The following PCCB variants were observed in gnomAD, a reference collection of about 807,000 sequenced individuals.
PCCB encodes the protein propionyl-CoA carboxylase beta chain, mitochondrial.
In PCCB, 43 loss-of-function variants were observed where a neutral mutation model predicts 60.7. That is an observed-to-expected ratio of 0.71 (90% CI 0.55 to 0.91). The LOEUF (loss-of-function observed/expected upper bound fraction) is 0.91, where lower values mean the gene tolerates loss of function less well. Ranked by LOEUF, PCCB falls within the 40% of genes least tolerant of loss-of-function variation. The pLI is 0.00. For synonymous variants in PCCB, 276 were observed against 255.9 expected, an observed-to-expected ratio of 1.08 and a Z score of -0.75; for missense variants, 766 against 702.8, an observed-to-expected ratio of 1.09 and a Z score of -1.02.
At chr3:136,277,319 C>T (rs956386107) in intron 5 of PCCB, among the ~76,000 whole-genome samples, 2 of 152,176 alleles carry the variant, frequency 1.3e-5, no homozygotes, top group African/African-American at 4.8e-5. Context: ...GTTATTCTAC[C>T]TAGAGATGCT....
chr3:136,308,812 C>T (rs2108216511), intron 9 of PCCB, among the ~76,000 whole-genome samples: 1 of 152,196 alleles, frequency 6.6e-6, no homozygotes, highest in East Asian at 1.9e-4. Flanking sequence ...AATAAATCTT[C>T]TAGTAAACAA....
At chr3:136,264,153 C>A (rs1358628924) in intron 5 of PCCB, among the ~76,000 whole-genome samples, 2 of 152,032 alleles carry the variant, frequency 1.3e-5, no homozygotes, top group Non-Finnish European at 2.9e-5. Context: ...TACATATTTG[C>A]ATGTTACATT....
At chr3:136,252,378 C>G (rs996117575) in intron 1 of PCCB, 2 of 454,162 alleles carry the variant, frequency 4.4e-6, no homozygotes, top group African/African-American at 4.0e-5. Flanking sequence ...TCCAGAGTAC[C>G]TGGGGTTACA....
chr3:136,303,187 A>G lies in PCCB; in HGVS notation c.966+2076A>G, dbSNP rs1934350507. ...TCCCTATATGTCAAATGTAATGGTGAATCATAGTTGTGATTCTGGGCATCT... is the reference window on the plus strand; with the variant it reads ...TCCCTATATGTCAAATGTAATGGTGGATCATAGTTGTGATTCTGGGCATCT... On this transcript the variant is annotated intron_variant, in intron 9 of 14. Transcript: ENST00000251654. 1.6e-5 allele frequency among the ~76,000 whole-genome samples: 2 copies of G among 122,922 alleles called. 1 individual carries two copies. Among genetic ancestry groups the G allele is most frequent in the African/African-American group, 5.0e-5 (2 of 40,204 alleles). The allele number at this position is 122,922 out of a possible 152,430, so 80.6% of individuals were successfully genotyped here. A position where few individuals can be genotyped will look rare whatever the true frequency, so the allele number is the denominator to read the frequency against.
At chr3:136,280,164 C>A (rs992646956) in intron 5 of PCCB, among the ~76,000 whole-genome samples, 1 of 152,146 alleles carries the variant, frequency 6.6e-6, no homozygotes, top group Admixed American at 6.5e-5. Context: ...CCTCATGTTA[C>A]TGTCTAATAT....
intron 10 of PCCB, among the ~76,000 whole-genome samples, chr3:136,324,569 A>C (rs1401593725): frequency 6.6e-6 from 1 of 151,602 alleles, no homozygotes; most frequent in Admixed American, 6.6e-5. Context: ...GTGCTTTTGA[A>C]TGCACTAATT....
chr3:136,283,346 A>G (rs764521017), intron 5 of PCCB, among the ~76,000 whole-genome samples: 3 of 152,138 alleles, frequency 2.0e-5, no homozygotes, highest in Non-Finnish European at 4.4e-5. Flanking sequence ...CAGAGTAGAC[A>G]CTGGGTACTC....
chr3:136,327,166 G>A lies in PCCB; in HGVS notation c.1210G>A (p.Glu404Lys), dbSNP rs777027944. 1.2e-6 allele frequency: 2 copies of A among 1,613,986 alleles called. No homozygotes were observed. The highest frequency in any genetic ancestry group is 2.2e-5 in the South Asian group (2 of 91,082). ...TTCCTCATGTCTAGGCACAGCACAGGAATACGGGGGCATCATCCGGCATGG... is the reference window on the plus strand; with the variant it reads ...TTCCTCATGTCTAGGCACAGCACAGAAATACGGGGGCATCATCCGGCATGG... The part of the protein sequence containing the change: ...VPGFLPGTAQ[E>K]YGGIIRHGAK... The change falls in exon 12 of 15, where the codon GAA becomes AAA. Residue 404 changes from glutamate to lysine, a missense_variant. By Grantham distance (56) the Glu-to-Lys change is moderately conservative (BLOSUM62 1). Transcript: ENST00000251654.
rs572028717 is a variant in PCCB at position 136,250,825 on chromosome 3, G to A, written c.183+267G>A. On this transcript the variant is annotated intron_variant, in intron 1 of 14. Transcript: ENST00000251654. ...CTAGCCAGCTCAACACTTAACATAA[G>A]CTTTTGGGCAACTTATTAAATCTCT... is the stretch of plus-strand genomic sequence containing the variant. Among the ~76,000 whole-genome samples, 6 of 152,286 alleles carry A rather than the reference G, an allele frequency of 3.9e-5. No homozygotes were observed. The South Asian group carries it at 8.3e-4, about 21-fold the overall frequency.
rs1034824113 is a variant in PCCB, at chr3:136,301,110, C to T, written c.965C>T (p.Ser322Phe). Residue 322 changes from serine to phenylalanine, a missense_variant and splice_region_variant, in exon 9 of 15, where the codon TCT becomes TTT. Ser to Phe is a radical substitution (Grantham distance 155). Transcript: ENST00000251654. ...KAYNMVDIIH[S>F]VVDEREFFEI... is the part of the protein sequence containing the mutation. ...TACAACATGGTGGACATCATACACT[C>T]TGTAAGTGCCACATCTGTTTGTCTT... 6.2e-7 allele frequency: 1 copy of T among 1,608,582 alleles called. No individual in the cohort carries two copies. Among genetic ancestry groups the T allele is most frequent in the Non-Finnish European group, 8.5e-7 (1 of 1,174,860 alleles).
intron 9 of PCCB, among the ~76,000 whole-genome samples, chr3:136,314,039 C>T (rs557453925): frequency 4.6e-5 from 7 of 152,114 alleles, no homozygotes; most frequent in African/African-American, 1.7e-4. Flanking sequence ...GAGTCACACA[C>T]ACACACACAT....
At chr3:136,276,961 G>A (rs1259529141) in intron 5 of PCCB, among the ~76,000 whole-genome samples, 2 of 152,180 alleles carry the variant, frequency 1.3e-5, no homozygotes, top group Non-Finnish European at 2.9e-5. Flanking sequence ...TGAGAGCCAG[G>A]ATAAGTTGAT....
chr3:136,281,711 G>T (rs1210116955), intron 5 of PCCB, among the ~76,000 whole-genome samples: 2 of 152,102 alleles, frequency 1.3e-5, no homozygotes. Flanking sequence ...TTGAGGATGA[G>T]AAATTCTGAA....
intron 8 of PCCB, among the ~76,000 whole-genome samples, chr3:136,300,077 C>T (rs1934197065): frequency 6.8e-6 from 1 of 146,902 alleles, no homozygotes; most frequent in Non-Finnish European, 1.5e-5. Flanking sequence ...CACATATATG[C>T]ATATACGCAT....
At chr3:136,255,471 C>G (rs1941647574) in intron 1 of PCCB, 1 of 303,706 alleles carries the variant, frequency 3.3e-6, no homozygotes, top group Non-Finnish European at 6.4e-6. Context: ...AGATCCTTCA[C>G]TAAGCCTGCT....
chr3:136,303,795 G>A (rs1934367950), intron 9 of PCCB, among the ~76,000 whole-genome samples: 2 of 121,216 alleles, frequency 1.6e-5, no homozygotes, highest in African/African-American at 5.0e-5. Flanking sequence ...GTAGAGACAC[G>A]GTTTCGCCAT....
chr3:136,275,624 T>C (rs1345382797), intron 5 of PCCB, among the ~76,000 whole-genome samples: 1 of 152,236 alleles, frequency 6.6e-6, no homozygotes, highest in East Asian at 1.9e-4. Context: ...CTTTTTCCTC[T>C]TCACTAAGGA....
chr3:136,293,650 C>CACG lies in PCCB; in HGVS notation c.655-105_655-103dup. ...AAGCTACATCCTATCCTCATTCAGC[C>CACG]ACGTCACTATCTTCTCTGCATTTGT... is the stretch of plus-strand genomic sequence containing the variant. On this transcript the variant is annotated intron_variant, in intron 6 of 14. Transcript: ENST00000251654. 7.5e-6 allele frequency: 6 copies of CACG among 797,104 alleles called. No homozygotes were observed. In the South Asian group the frequency reaches 8.1e-5, roughly 11 times the overall value. The allele number at this position is 797,104 out of a possible 1,614,324, so 49.4% of individuals were successfully genotyped here.
chr3:136,287,446 T>G (rs528910597), intron 6 of PCCB, among the ~76,000 whole-genome samples: 1 of 152,182 alleles, frequency 6.6e-6, no homozygotes, highest in East Asian at 1.9e-4. Flanking sequence ...TTTGTTTTTT[T>G]TTTGAGACAG....
Sources: gnomAD v4.1 joint callset for allele counts (sites outside exome capture counted in the v4.1 genomes callset) on GRCh38, gnomAD v4.1.1 for gene constraint, MANE v1.5 for transcripts, NCBI Gene and HGNC (gene_info 2026-07-23, HGNC 2026-07-21) for gene names.